The following PPM1H variants were observed in gnomAD, a reference collection of about 807,000 sequenced individuals.
PPM1H encodes protein phosphatase 1H.
PPM1H carries 27 observed loss-of-function variants against 54.9 expected under a neutral mutation model. The observed-to-expected ratio is 0.49, with a 90% confidence interval of 0.36 to 0.68. PPM1H has a LOEUF of 0.68. Ranked by LOEUF, PPM1H falls within the 30% of genes least tolerant of loss-of-function variation. The pLI, the probability that PPM1H is intolerant of heterozygous loss-of-function variation, is 0.00. For missense variants in PPM1H, 596 were observed against 667.8 expected (o/e 0.89, Z 1.19); for synonymous variants, 305 against 270.8 (o/e 1.13, Z -1.24).
At chr12:62,703,101 T>C (rs1248414755) in intron 6 of PPM1H, among the ~76,000 whole-genome samples, 2 of 152,188 alleles carry the variant, frequency 1.3e-5, no homozygotes, top group East Asian at 3.9e-4. Context: ...CGGAGCCTCA[T>C]TCTTTCTTCC....
chr12:62,693,310 G>A (rs1173246085), intron 7 of PPM1H, among the ~76,000 whole-genome samples: 2 of 152,144 alleles, frequency 1.3e-5, no homozygotes, highest in Non-Finnish European at 2.9e-5. Flanking sequence ...CTGGAACCCT[G>A]GGAGCTGATG....
chr12:62,770,304 C>A (rs2076571145), intron 4 of PPM1H, among the ~76,000 whole-genome samples: 1 of 151,970 alleles, frequency 6.6e-6, no homozygotes, highest in Non-Finnish European at 1.5e-5. Flanking sequence ...TCTTATTATC[C>A]CCATTTCCCC....
chr12:62,877,036 T>C (rs1870198588), intron 1 of PPM1H, among the ~76,000 whole-genome samples: 1 of 152,232 alleles, frequency 6.6e-6, no homozygotes. Context: ...TTGCCCAATT[T>C]ATTTCTTGCA....
chr12:62,685,117 C>T (rs186626820), intron 8 of PPM1H, among the ~76,000 whole-genome samples: 152 of 152,044 alleles, frequency 1.0e-3, no homozygotes, highest in African/African-American at 3.1e-3. Context: ...GAATCTTAGA[C>T]GCACTACATA....
At chr12:62,715,734 C>T (rs2076231387) in intron 6 of PPM1H, among the ~76,000 whole-genome samples, 1 of 152,160 alleles carries the variant, frequency 6.6e-6, no homozygotes, top group Non-Finnish European at 1.5e-5. Context: ...GGCAATTTTT[C>T]TAAGAACTGG....
chr12:62,909,994 T>C (rs2121136523), intron 1 of PPM1H, among the ~76,000 whole-genome samples: 1 of 152,260 alleles, frequency 6.6e-6, no homozygotes, highest in South Asian at 2.1e-4. Context: ...AGAGAGGTGG[T>C]AATTTATCCT....
chr12:62,893,297 C>T (rs2121088667), intron 1 of PPM1H, among the ~76,000 whole-genome samples: 1 of 152,266 alleles, frequency 6.6e-6, no homozygotes, highest in East Asian at 1.9e-4. Flanking sequence ...GTTCTGGAGG[C>T]TAAAAGTCCA....
chr12:62,762,620 AC>A (rs1436170751), intron 4 of PPM1H, among the ~76,000 whole-genome samples: 1 of 152,240 alleles, frequency 6.6e-6, no homozygotes, highest in African/African-American at 2.4e-5. Context: ...AAGATGCTAT[AC>A]AATCTGCATC....
At chr12:62,768,835 C>A (rs976621137) in intron 4 of PPM1H, among the ~76,000 whole-genome samples, 1 of 152,046 alleles carries the variant, frequency 6.6e-6, no homozygotes, top group African/African-American at 2.4e-5. Context: ...TGGAAGAAAT[C>A]AGCACATCCC....
At chr12:62,792,664 T>C (rs1380540336) in intron 3 of PPM1H, among the ~76,000 whole-genome samples, 3 of 152,244 alleles carry the variant, frequency 2.0e-5, no homozygotes, top group Non-Finnish European at 4.4e-5. Context: ...CACTCTTCTA[T>C]TTCTTCTAAA....
At chr12:62,735,838 T>C (rs1312446614) in intron 5 of PPM1H, among the ~76,000 whole-genome samples, 4 of 152,084 alleles carry the variant, frequency 2.6e-5, no homozygotes, top group Non-Finnish European at 5.9e-5. Flanking sequence ...GAAAAGGCCA[T>C]CCAGGCAGAC....
chr12:62,659,269 CAAAA>C (rs11349692), intron 9 of PPM1H: 207 of 91,510 alleles, frequency 2.3e-3, no homozygotes, highest in Middle Eastern at 0.019. Flanking sequence ...GTAAAAACTG[CAAAA>C]AAAAAAAAAA....
intron 2 of PPM1H, among the ~76,000 whole-genome samples, chr12:62,812,756 T>C (rs903182833): frequency 6.7e-6 from 1 of 150,254 alleles, no homozygotes; most frequent in Non-Finnish European, 1.5e-5. Context: ...ATTTTCTTTT[T>C]CCCATTTTTC....
chr12:62,787,631 G>A (rs1300336001), intron 4 of PPM1H, among the ~76,000 whole-genome samples: 2 of 152,190 alleles, frequency 1.3e-5, no homozygotes, highest in African/African-American at 4.8e-5. Context: ...TCTAGCTTGG[G>A]CAACATAGTG....
intron 6 of PPM1H, among the ~76,000 whole-genome samples, chr12:62,697,130 G>GTTTTT (rs1204249538): frequency 7.7e-6 from 1 of 130,668 alleles, no homozygotes; most frequent in South Asian, 2.4e-4. Context: ...GATGGTCTGT[G>GTTTTT]TTCTTTTTTT....
intron 1 of PPM1H, among the ~76,000 whole-genome samples, chr12:62,921,384 T>G (rs1238306082): frequency 6.6e-6 from 1 of 152,150 alleles, no homozygotes; most frequent in Non-Finnish European, 1.5e-5. Flanking sequence ...ACAAGCCACT[T>G]TGGTCCTCTC....
chr12:62,873,227 G>A (rs1458899501), intron 1 of PPM1H, among the ~76,000 whole-genome samples: 1 of 152,166 alleles, frequency 6.6e-6, no homozygotes, highest in African/African-American at 2.4e-5. Context: ...ACATCCAAAT[G>A]GGACCTTAGC....
intron 1 of PPM1H, among the ~76,000 whole-genome samples, chr12:62,925,088 C>T (rs536831288): frequency 2.1e-4 from 32 of 151,900 alleles, no homozygotes; most frequent in African/African-American, 7.7e-4. Context: ...ATTTAAACTA[C>T]AAAAATAATA....
chr12:62,885,030 C>A (rs890814494), intron 1 of PPM1H, among the ~76,000 whole-genome samples: 1 of 152,004 alleles, frequency 6.6e-6, no homozygotes, highest in Non-Finnish European at 1.5e-5. Flanking sequence ...AGAATCATGG[C>A]GGGAGGTGAA....
Sources: gnomAD v4.1 joint callset for allele counts (sites outside exome capture counted in the v4.1 genomes callset) on GRCh38, gnomAD v4.1.1 for gene constraint, MANE v1.5 for transcripts, NCBI Gene and HGNC (gene_info 2026-07-23, HGNC 2026-07-21) for gene names.